RYR2: variants seen among roughly 807,000 people sequenced by gnomAD.
RYR2 encodes ryanodine receptor 2, also known as cardiac muscle ryanodine receptor-calcium release channel.
A neutral mutation model predicts 601.1 loss-of-function variants in RYR2; 227 were observed. That is an observed-to-expected ratio of 0.38 (90% CI 0.34 to 0.42). The LOEUF (loss-of-function observed/expected upper bound fraction) is 0.42, where lower values mean the gene tolerates loss of function less well. RYR2 is among the 10% of genes least tolerant of loss of function. RYR2 has a pLI of 1.00. For missense variants in RYR2, 4,646 were observed against 6,156.5 expected (o/e 0.75, Z 8.21); for synonymous variants, 2,223 against 2,175.1 (o/e 1.02, Z -0.61).
chr1:237,784,858 G>A lies in RYR2; in HGVS notation c.13146G>A (p.Leu4382=), dbSNP rs760653730. The stretch of plus-strand genomic sequence containing the variant: ...ACCTTCTTTCGGACATCTTTGGCCT[G>A]GATCTGAAGAGAGAAGGAGGACAGT... The part of the protein sequence containing the change: ...ESDLLSDIFG[L]DLKREGGQYK... The change falls in exon 90 of 105, where the codon CTG becomes CTA. Residue 4382 remains leucine, a synonymous_variant. Transcript: ENST00000366574. The surrounding 1 kb of genome is among the most constrained non-coding windows in gnomAD (Gnocchi z 7.1). The A allele has an allele frequency of 2.5e-6, 4 of 1,613,876 alleles. No homozygotes were observed. Among genetic ancestry groups the A allele is most frequent in the Non-Finnish European group, 2.5e-6 (3 of 1,179,842 alleles).
intron 14 of RYR2, among the ~76,000 whole-genome samples, chr1:237,450,651 ATTCCTTG>A (rs1657977380): frequency 6.6e-6 from 1 of 152,048 alleles, no homozygotes; most frequent in South Asian, 2.1e-4. Flanking sequence ...TCCAGATGAG[ATTCCTTG>A]TTCCCCTTGG....
rs551289950 is a variant in RYR2 at position 237,610,523 on chromosome 1, A to G, written c.4684-239A>G. Among the ~76,000 whole-genome samples, 1 of 152,332 alleles carries G rather than the reference A, an allele frequency of 6.6e-6. No homozygotes were observed. Among genetic ancestry groups the G allele is most frequent in the South Asian group, 2.1e-4 (1 of 4,828 alleles). Reference sequence around the variant, plus strand: ...GCCATTCAGTATATGGGAAAGACACATCCCGAAACCTGTTTGACTGCCCGG... The same window carrying G: ...GCCATTCAGTATATGGGAAAGACACGTCCCGAAACCTGTTTGACTGCCCGG... On this transcript the variant is annotated intron_variant, in intron 35 of 104. Transcript: ENST00000366574. This position sits in a 1 kb window ranked among gnomAD's most constrained non-coding sequence, Gnocchi z 4.9.
rs145380706 is a variant in RYR2 at position 237,179,466 on chromosome 1, T to G, written c.49-91031T>G. On this transcript the variant is annotated intron_variant, in intron 1 of 104. Transcript: ENST00000366574. Reference sequence around the variant, plus strand: ...GAATACCTTCAGAAGTCCTTGAGATTGTCTTCTAGAAATGGGGAGGGAGAA... The same window carrying G: ...GAATACCTTCAGAAGTCCTTGAGATGGTCTTCTAGAAATGGGGAGGGAGAA... Among the ~76,000 whole-genome samples, 214 of 151,884 alleles carry G rather than the reference T, an allele frequency of 1.4e-3. 4 individuals carry two copies. The highest frequency in any genetic ancestry group is 4.9e-3 in the African/African-American group (203 of 41,424).
chr1:237,760,810 T>TAAGCAATGAATGGAG (rs1487584608), intron 83 of RYR2, 145 bp from the exon 84 acceptor site: 8 of 312,684 alleles, frequency 2.6e-5, no homozygotes, highest in Non-Finnish European at 3.2e-5. Flanking sequence ...ATACGGTTGG[T>TAAGCAATGAATGGAG]ACGCAATGAA....
chr1:237,498,119 G>A (rs899195588), intron 20 of RYR2, among the ~76,000 whole-genome samples: 3 of 152,000 alleles, frequency 2.0e-5, no homozygotes, highest in Non-Finnish European at 1.5e-5. Context: ...GCCTGCCTCC[G>A]CTTCCCAAAG....
chr1:237,190,778 A>G (rs1679888407), intron 1 of RYR2, among the ~76,000 whole-genome samples: 1 of 152,238 alleles, frequency 6.6e-6, no homozygotes, highest in Admixed American at 6.5e-5. Context: ...CACTGATTCT[A>G]GTATCCATTG....
At chr1:237,702,837 G>T (rs1002461524) in intron 66 of RYR2, among the ~76,000 whole-genome samples, 3 of 151,982 alleles carry the variant, frequency 2.0e-5, no homozygotes, top group Non-Finnish European at 2.9e-5. Flanking sequence ...AACCTATAAA[G>T]CTACAGTAGT....
intron 97 of RYR2, among the ~76,000 whole-genome samples, chr1:237,798,410 G>C (rs1659532657): frequency 1.3e-5 from 1 of 75,832 alleles, no homozygotes; most frequent in Non-Finnish European, 2.8e-5. Context: ...AGAACAGAAA[G>C]ACTATGTTTT....
At chr1:237,178,713 G>A (rs576507709) in intron 1 of RYR2, among the ~76,000 whole-genome samples, 6 of 152,108 alleles carry the variant, frequency 3.9e-5, no homozygotes, top group African/African-American at 1.4e-4. Context: ...GACAGAGGTG[G>A]GAGGATTGCT....
intron 25 of RYR2, among the ~76,000 whole-genome samples, chr1:237,531,531 G>A (rs1211846251): frequency 6.6e-6 from 1 of 152,092 alleles, no homozygotes; most frequent in Non-Finnish European, 1.5e-5. Flanking sequence ...AATCAAAGTA[G>A]CCACCCCATA....
At chr1:237,590,046 A>T (rs1674976756) in intron 30 of RYR2, 45 bp downstream of exon 30, 3 of 1,541,862 alleles carry the variant, frequency 1.9e-6, no homozygotes, top group Non-Finnish European at 2.7e-6. Context: ...AAAAGCAGGA[A>T]AAGAATATCT....
At chr1:237,563,945 T>C (rs1260754827) in intron 27 of RYR2, among the ~76,000 whole-genome samples, 1 of 152,202 alleles carries the variant, frequency 6.6e-6, no homozygotes, top group Admixed American at 6.5e-5. Context: ...ATAATGACTA[T>C]AGTATATACT....
intron 25 of RYR2, among the ~76,000 whole-genome samples, chr1:237,538,567 T>C (rs1323575410): frequency 6.7e-6 from 1 of 149,314 alleles, no homozygotes; most frequent in Non-Finnish European, 1.5e-5. Flanking sequence ...AGGTCAGGAG[T>C]TCCAGACCAG....
chr1:237,664,594 A>G (rs1684122534), intron 56 of RYR2, among the ~76,000 whole-genome samples: 1 of 152,172 alleles, frequency 6.6e-6, no homozygotes, highest in Admixed American at 6.5e-5. Context: ...ATTCACTACC[A>G]CAAGAACAGT....
At chr1:237,494,885 G>A (rs988662058) in intron 19 of RYR2, among the ~76,000 whole-genome samples, 3 of 152,136 alleles carry the variant, frequency 2.0e-5, no homozygotes, top group African/African-American at 7.2e-5. Context: ...CTGCCTCCTG[G>A]GTTCAAGCCA....
intron 1 of RYR2, among the ~76,000 whole-genome samples, chr1:237,259,935 G>A (rs1366980848): frequency 6.6e-6 from 1 of 152,166 alleles, no homozygotes; most frequent in Non-Finnish European, 1.5e-5. Context: ...TCAAATAGCA[G>A]ATGCACATCA....
chr1:237,203,657 ATT>A (rs1681449683), intron 1 of RYR2, among the ~76,000 whole-genome samples: 1 of 152,164 alleles, frequency 6.6e-6, no homozygotes, highest in South Asian at 2.1e-4. Flanking sequence ...ATTGAATTTC[ATT>A]TACTTTCTAA....
intron 60 of RYR2, among the ~76,000 whole-genome samples, chr1:237,675,761 T>G (rs1383880116): frequency 6.6e-6 from 1 of 152,136 alleles, no homozygotes; most frequent in Non-Finnish European, 1.5e-5. Context: ...AAATTAGAGC[T>G]CTGGTATTTT....
chr1:237,781,674 T>C (rs767174771), intron 89 of RYR2, 28 bp downstream of exon 89: 2 of 1,168,646 alleles, frequency 1.7e-6, no homozygotes, highest in Admixed American at 4.0e-5. Flanking sequence ...TTTTAAATTC[T>C]CTTTATTATC....
Sources: allele counts gnomAD v4.1 joint callset (sites outside exome capture counted in the v4.1 genomes callset), GRCh38; gene constraint gnomAD v4.1.1; non-coding constraint Gnocchi (gnomAD v3.1); transcripts MANE v1.5; gene names NCBI Gene and HGNC (gene_info 2026-07-23, HGNC 2026-07-21).